SLC8A1: variants seen among roughly 807,000 people sequenced by gnomAD.
SLC8A1 encodes solute carrier family 8 member A1, also known as sodium/calcium exchanger 1.
Under a neutral mutation model 68.3 loss-of-function variants are expected in SLC8A1, and 18 were observed. The observed-to-expected ratio is 0.26, with a 90% CI of 0.18 to 0.39. SLC8A1 has a LOEUF of 0.39. Among genes scored for constraint, SLC8A1 ranks in the 10% least tolerant of loss-of-function variants. SLC8A1 has a pLI of 1.00. For synonymous variants in SLC8A1, 475 were observed against 415.5 expected (o/e 1.14, Z -1.74); for missense variants, 985 against 1,156.7 (o/e 0.85, Z 2.15).
At chr2:40,436,373 C>T (rs141697279) in intron 1 of SLC8A1, among the ~76,000 whole-genome samples, 8 of 152,252 alleles carry the variant, frequency 5.3e-5, no homozygotes, top group African/African-American at 1.7e-4. Context: ...GAAATGGTTG[C>T]ACCCTAACAT....
At chr2:40,324,417 G>C (rs1346272532) in intron 2 of SLC8A1, among the ~76,000 whole-genome samples, 1 of 152,118 alleles carries the variant, frequency 6.6e-6, no homozygotes. Context: ...AACATGGCAA[G>C]ATTATTTAAA....
chr2:40,388,184 A>T (rs545363512), intron 2 of SLC8A1, among the ~76,000 whole-genome samples: 2 of 152,224 alleles, frequency 1.3e-5, no homozygotes, highest in East Asian at 3.9e-4. Flanking sequence ...CGCTTTAGGG[A>T]TTAGGGCAGA....
intron 1 of SLC8A1, among the ~76,000 whole-genome samples, chr2:40,485,984 G>A (rs1704943688): frequency 2.0e-5 from 3 of 152,184 alleles, no homozygotes; most frequent in Admixed American, 2.0e-4. Flanking sequence ...ATGTCATCTT[G>A]AATTGTAGTT....
intron 2 of SLC8A1, among the ~76,000 whole-genome samples, chr2:40,180,273 T>C (rs1242785051): frequency 6.6e-6 from 1 of 152,206 alleles, no homozygotes; most frequent in East Asian, 1.9e-4. Context: ...AACTAGAATA[T>C]TTAATTTTTC....
intron 6 of SLC8A1, among the ~76,000 whole-genome samples, chr2:40,145,551 C>G (rs2042305042): frequency 6.6e-6 from 1 of 152,174 alleles, no homozygotes; most frequent in Non-Finnish European, 1.5e-5. Flanking sequence ...TTTTTGCAAC[C>G]TGACATACAG....
chr2:40,398,748 T>C (rs908120585), intron 2 of SLC8A1, among the ~76,000 whole-genome samples: 2 of 152,206 alleles, frequency 1.3e-5, no homozygotes, highest in Non-Finnish European at 2.9e-5. Flanking sequence ...CATCCCCATA[T>C]TGATATTTAG....
At chr2:40,115,651 T>C (rs765544343) in intron 7 of SLC8A1, 22 bp from the exon 11 acceptor site, 43 of 1,588,616 alleles carry the variant, frequency 2.7e-5, no homozygotes, top group Non-Finnish European at 3.5e-5. Flanking sequence ...GAAGAGAAAG[T>C]CAATGACACT....
chr2:40,309,624 C>G (rs4952402), intron 2 of SLC8A1, among the ~76,000 whole-genome samples: 77,233 of 151,012 alleles, frequency 0.51, 22,287 homozygotes, highest in African/African-American at 0.78. Context: ...TCCTGCCTCA[C>G]CCTCCCAAGT....
chr2:40,371,315 T>C lies in SLC8A1; in HGVS notation c.1808+57158A>G, dbSNP rs928996532. ...TCATTGTTGCCTTTCAAATATACAT[T>C]ACAGCTTCAGAAATAGGGTGGACTT... On this transcript the variant is annotated intron_variant, in intron 2 of 7. Coordinates refer to ENST00000406785, the Ensembl canonical transcript of SLC8A1. 6.6e-5 allele frequency among the ~76,000 whole-genome samples: 10 copies of C among 152,178 alleles called. No homozygotes were observed. The South Asian group carries it at 1.0e-3, about 16-fold the overall frequency.
chr2:40,392,445 A>C (rs905535860), intron 2 of SLC8A1, among the ~76,000 whole-genome samples: 40 of 152,132 alleles, frequency 2.6e-4, no homozygotes, highest in Admixed American at 2.0e-4. Context: ...GAAGTTTAGG[A>C]AACATAAATA....
rs555562367 is a variant in SLC8A1 at position 40,390,539 on chromosome 2, T to G, written c.1808+37934A>C. Among the ~76,000 whole-genome samples, 13 of 152,266 alleles carry G rather than the reference T, an allele frequency of 8.5e-5. No homozygotes were observed. The South Asian group carries it at 2.7e-3, about 32-fold the overall frequency. On this transcript the variant is annotated intron_variant, in intron 2 of 7. Transcript: ENST00000406785. ...ATTCTTGCATACCATCTAGGTCTAC[T>G]AAGTCATAAACTCTGAGGATGAAGT...
In SLC8A1 at chr2:40,141,446, A is replaced by T. The variant is rs73927125; in HGVS notation, c.2162-1770T>A. ...TATGAATACACTTTGGGCGTCTGTGAAGAAAGCAGCCTCATCTTTGAGGCT... is the reference window on the plus strand; with the variant it reads ...TATGAATACACTTTGGGCGTCTGTGTAGAAAGCAGCCTCATCTTTGAGGCT... On this transcript the variant is annotated intron_variant, in intron 6 of 7. Transcript: ENST00000406785. 3.9e-3 allele frequency among the ~76,000 whole-genome samples: 597 copies of T among 152,324 alleles called. 4 individuals are homozygous for T. The highest frequency in any genetic ancestry group is 0.013 in the African/African-American group (558 of 41,582).
chr2:40,216,012 CT>C (rs61623694), intron 2 of SLC8A1, among the ~76,000 whole-genome samples: 25 of 143,756 alleles, frequency 1.7e-4, no homozygotes, highest in African/African-American at 2.8e-4. Flanking sequence ...CCAGTGTATG[CT>C]TTTTTTTTTT....
intron 1 of SLC8A1, among the ~76,000 whole-genome samples, chr2:40,508,707 T>A (rs1706519509): frequency 6.6e-6 from 1 of 152,188 alleles, no homozygotes; most frequent in African/African-American, 2.4e-5. Context: ...ATGCCGTCGA[T>A]AAAACTTCCA....
At chr2:40,251,157 G>T (rs906939438) in intron 2 of SLC8A1, 1 of 151,970 alleles carries the variant, frequency 6.6e-6, no homozygotes, top group Non-Finnish European at 1.5e-5. Flanking sequence ...GTGTGAAAAT[G>T]ATTCTCTTTT....
intron 4 of SLC8A1, among the ~76,000 whole-genome samples, chr2:40,170,683 G>A (rs1186257791): frequency 6.6e-6 from 1 of 152,180 alleles, no homozygotes; most frequent in African/African-American, 2.4e-5. Flanking sequence ...GGTACCGCTT[G>A]CAGAAGCATC....
At chr2:40,116,218 C>T (rs911889748) in intron 7 of SLC8A1, among the ~76,000 whole-genome samples, 5 of 152,154 alleles carry the variant, frequency 3.3e-5, no homozygotes, top group African/African-American at 1.2e-4. Context: ...AACAATTGAA[C>T]TATAATAGAG....
chr2:40,430,599 A>G (rs1254894562), intron 1 of SLC8A1, among the ~76,000 whole-genome samples: 1 of 152,182 alleles, frequency 6.6e-6, no homozygotes, highest in Non-Finnish European at 1.5e-5. Flanking sequence ...ACTTACTGGA[A>G]AGGAAAAGTT....
intron 2 of SLC8A1, among the ~76,000 whole-genome samples, chr2:40,371,101 T>C (rs1159128220): frequency 1.3e-5 from 2 of 152,074 alleles, no homozygotes; most frequent in African/African-American, 4.8e-5. Flanking sequence ...AGCAAAATAA[T>C]GCCTAAGGTT....
Sources: gnomAD v4.1 joint callset for allele counts (sites outside exome capture counted in the v4.1 genomes callset) on GRCh38, gnomAD v4.1.1 for gene constraint, MANE v1.5 for transcripts, NCBI Gene and HGNC (gene_info 2026-07-23, HGNC 2026-07-21) for gene names.